Variants in UPF2 observed in about 807,000 individuals in gnomAD.
UPF2 encodes regulator of nonsense transcripts 2.
In UPF2, 17 loss-of-function variants were observed where a neutral mutation model predicts 141.4. The ratio of observed to expected loss-of-function variants is 0.12; its 90% CI spans 0.08 to 0.18. UPF2 has a LOEUF of 0.18. UPF2 is among the 10% of genes least tolerant of loss of function. UPF2 has a pLI of 1.00. For synonymous variants in UPF2, 540 were observed against 498.0 expected, an observed-to-expected ratio of 1.08 and a Z score of -1.12; for missense variants, 1,152 against 1,515.9, an observed-to-expected ratio of 0.76 and a Z score of 3.99.
At chr10:12,024,643 T>G (rs1051125965) in intron 3 of UPF2, among the ~76,000 whole-genome samples, 11 of 149,590 alleles carry the variant, frequency 7.4e-5, no homozygotes, top group Non-Finnish European at 1.2e-4. Context: ...TAATTAAAGG[T>G]GGGGTGGCAC....
intron 19 of UPF2, among the ~76,000 whole-genome samples, chr10:11,932,250 G>T (rs1462943288): frequency 1.3e-5 from 2 of 151,946 alleles, no homozygotes; most frequent in East Asian, 3.9e-4. Flanking sequence ...ATAAAACAGG[G>T]TGGCCATTTT....
At chr10:12,008,641 A>G (rs1470366848) in intron 4 of UPF2, among the ~76,000 whole-genome samples, 5 of 151,804 alleles carry the variant, frequency 3.3e-5, no homozygotes, top group African/African-American at 9.7e-5. Flanking sequence ...AAAAAAAAAA[A>G]AAAAAAAAAA....
At chr10:11,971,252 T>C (rs1217402178) in intron 9 of UPF2, among the ~76,000 whole-genome samples, 1 of 83,916 alleles carries the variant, frequency 1.2e-5, no homozygotes, top group Admixed American at 1.9e-4. Context: ...TCACTCTCAT[T>C]TCTTTCTTTT....
At position 11,952,211 on chromosome 10, in the gene UPF2, T is replaced by C. The variant is rs1313215799; in HGVS notation, c.2889A>G (p.Thr963=). Reference sequence around the variant, plus strand: ...TATCAATAGGAAATGGATGGTCTTTTGTCCAAACCTCCAAACTTTTCTTCC... The same window carrying C: ...TATCAATAGGAAATGGATGGTCTTTCGTCCAAACCTCCAAACTTTTCTTCC... The part of the protein sequence containing the change: ...VWWKKSLEVW[T]KDHPFPIDID... The change falls in exon 15 of 22, where the codon ACA becomes ACG. Residue 963 remains threonine (T), a synonymous_variant. Transcript: ENST00000357604. 2 of 1,611,756 alleles carry C rather than the reference T, an allele frequency of 1.2e-6. No homozygotes were observed. The highest frequency in any genetic ancestry group is 1.7e-6 in the Non-Finnish European group (2 of 1,179,234).
In UPF2 at chr10:11,939,867, G is replaced by C. The variant is rs1046035862; in HGVS notation, c.3378+2798C>G. ...TCACTCATTTCCTGAAAATCTGTTA[G>C]CTATTTTGCTTATTCTTACAGATGT... On this transcript the variant is annotated intron_variant, in intron 18 of 21. Transcript: ENST00000357604. The surrounding 1 kb of genome is among the most constrained non-coding windows in gnomAD (Gnocchi z 4.8). Among the ~76,000 whole-genome samples, 10 of 152,202 alleles carry C rather than the reference G, an allele frequency of 6.6e-5. No individual in the cohort carries two copies. Among genetic ancestry groups the C allele is most frequent in the African/African-American group, 2.4e-4 (10 of 41,548 alleles).
intron 11 of UPF2, among the ~76,000 whole-genome samples, chr10:11,962,774 T>G (rs982355382): frequency 1.3e-5 from 2 of 152,204 alleles, no homozygotes; most frequent in African/African-American, 4.8e-5. Context: ...TATAAGCTAG[T>G]GCGTGCCTAT....
rs75217412 is a variant in UPF2 at position 11,998,276 on chromosome 10, A to T, written c.1759-519T>A. ...ATGGCGCTCTCTCTCTCTCTCCAAG[A>T]TGCCTTAACTGACAGAGGAGAATTC... On this transcript the variant is annotated intron_variant, in intron 7 of 21. Coordinates refer to ENST00000357604, the MANE Select transcript of UPF2 (RefSeq NM_015542.4). The surrounding 1 kb of genome is among the most constrained non-coding windows in gnomAD (Gnocchi z 4.5). 0.052 allele frequency among the ~76,000 whole-genome samples: 7,945 copies of T among 152,208 alleles called. 282 individuals are homozygous for T. Among genetic ancestry groups the T allele is most frequent in the Non-Finnish European group, 0.08 (5,441 of 67,974 alleles).
Position 11,948,525 on chromosome 10 carries a change from G to A in UPF2, c.3035-17C>T. 1 of 1,607,606 alleles carries A rather than the reference G, an allele frequency of 6.2e-7. No individual in the cohort carries two copies. The highest frequency in any genetic ancestry group is 8.5e-7 in the Non-Finnish European group (1 of 1,178,596). Reference sequence around the variant, plus strand: ...TTACTAGGCCTTGAAATGAGAAGGTGGAAATGGAAAAATACATTAAAAATA... The same window carrying A: ...TTACTAGGCCTTGAAATGAGAAGGTAGAAATGGAAAAATACATTAAAAATA... On this transcript the variant is annotated splice_polypyrimidine_tract_variant and intron_variant, in intron 15 of 21. Transcript: ENST00000357604.
chr10:11,935,924 G>T lies in UPF2; in HGVS notation c.3546+621C>A, dbSNP rs1832843679. ...GAAGAATGGAGAGGGATATGGAGAA[G>T]GGTTGGTGTGATTTTCAACTGACGG... On this transcript the variant is annotated intron_variant, in intron 19 of 21. Coordinates refer to ENST00000357604, the MANE Select transcript of UPF2 (RefSeq NM_015542.4). The surrounding 1 kb of genome is among the most constrained non-coding windows in gnomAD (Gnocchi z 4.9). Among the ~76,000 whole-genome samples the T allele has an allele frequency of 6.6e-6, 1 of 152,174 alleles. No individual in the cohort carries two copies. The highest frequency in any genetic ancestry group is 2.4e-5 in the African/African-American group (1 of 41,436).
chr10:11,942,806 T>G, intron 17 of UPF2, 43 bp from the exon 18 acceptor site: 1 of 1,578,448 alleles, frequency 6.3e-7, no homozygotes, highest in Non-Finnish European at 8.7e-7. Context: ...AAATTTTAAC[T>G]GTAATGTTTT....
chr10:11,976,815 T>G (rs1833512704), intron 9 of UPF2, among the ~76,000 whole-genome samples: 1 of 152,230 alleles, frequency 6.6e-6, no homozygotes, highest in Non-Finnish European at 1.5e-5. Context: ...AAGGTATAAT[T>G]ATTATTAAAA....
rs527881643 is a variant in UPF2, at chr10:11,940,967, G to A, written c.3378+1698C>T. 2.0e-5 allele frequency among the ~76,000 whole-genome samples: 3 copies of A among 152,008 alleles called. No homozygotes were observed. Among genetic ancestry groups the A allele is most frequent in the South Asian group, 4.2e-4 (2 of 4,814 alleles). ...GGATGGCTCCACTTTACTTTGCCCT[G>A]TTTGAAATTCATGACCTCAGAGACT... On this transcript the variant is annotated intron_variant, in intron 18 of 21. Coordinates refer to ENST00000357604, the MANE Select transcript of UPF2 (RefSeq NM_015542.4). The surrounding 1 kb of genome is among the most constrained non-coding windows in gnomAD (Gnocchi z 4.2).
At chr10:12,015,476 C>T (rs760431943) in intron 3 of UPF2, among the ~76,000 whole-genome samples, 1 of 152,142 alleles carries the variant, frequency 6.6e-6, no homozygotes, top group African/African-American at 2.4e-5. Context: ...ACGAGGCAGG[C>T]GGATCACCTG....
chr10:11,960,340 A>C (rs1833219625), intron 11 of UPF2, among the ~76,000 whole-genome samples: 1 of 152,126 alleles, frequency 6.6e-6, no homozygotes, highest in African/African-American at 2.4e-5. Flanking sequence ...TGAGATCAGG[A>C]GTTTGAGACT....
intron 21 of UPF2, among the ~76,000 whole-genome samples, chr10:11,925,606 A>C (rs1832702351): frequency 6.6e-6 from 1 of 152,258 alleles, no homozygotes; most frequent in Admixed American, 6.5e-5. Context: ...AGACAAGCTA[A>C]GCGGCACTTA....
chr10:11,937,983 T>C (rs1300092945), intron 18 of UPF2, among the ~76,000 whole-genome samples: 1 of 152,172 alleles, frequency 6.6e-6, no homozygotes, highest in Non-Finnish European at 1.5e-5. Context: ...AATACAAAAA[T>C]GTGTTGGTAA....
chr10:12,021,531 GATC>G (rs1178641675), intron 3 of UPF2, among the ~76,000 whole-genome samples: 1 of 151,934 alleles, frequency 6.6e-6, no homozygotes, highest in East Asian at 1.9e-4. Flanking sequence ...CAAAAAAAAG[GATC>G]ATATGTGGGA....
At chr10:11,988,271 T>C (rs1407050796) in intron 8 of UPF2, among the ~76,000 whole-genome samples, 1 of 152,280 alleles carries the variant, frequency 6.6e-6, no homozygotes, top group African/African-American at 2.4e-5. Context: ...CCTAACACAA[T>C]GTAAATGCTA....
chr10:11,978,478 G>C (rs1833541743), intron 9 of UPF2, among the ~76,000 whole-genome samples: 1 of 152,156 alleles, frequency 6.6e-6, no homozygotes, highest in Admixed American at 6.6e-5. Flanking sequence ...CACATAGTTT[G>C]TTCATACTTC....
Sources: allele counts gnomAD v4.1 joint callset (sites outside exome capture counted in the v4.1 genomes callset), GRCh38; gene constraint gnomAD v4.1.1; non-coding constraint Gnocchi (gnomAD v3.1); transcripts MANE v1.5; gene names NCBI Gene and HGNC (gene_info 2026-07-23, HGNC 2026-07-21).